FAM168A: variants seen among roughly 807,000 people sequenced by gnomAD.
The protein encoded by FAM168A is family with sequence similarity 168 member A, also known as protein FAM168A.
A neutral mutation model predicts 28.5 loss-of-function variants in FAM168A; 3 were observed. That is an observed-to-expected ratio of 0.11 (90% CI 0.05 to 0.27). FAM168A has a LOEUF of 0.27. FAM168A is among the 10% of genes least tolerant of loss of function. FAM168A has a pLI of 1.00. For missense variants in FAM168A, 222 were observed against 311.5 expected (o/e 0.71, Z 2.16); for synonymous variants, 122 against 124.2 (o/e 0.98, Z 0.12).
chr11:73,476,199 C>T (rs1867885685), intron 1 of FAM168A, among the ~76,000 whole-genome samples: 1 of 152,176 alleles, frequency 6.6e-6, no homozygotes, highest in South Asian at 2.1e-4. Flanking sequence ...AAACCACATA[C>T]AGATCCACTG....
intron 1 of FAM168A, among the ~76,000 whole-genome samples, chr11:73,555,341 G>C (rs1943877284): frequency 6.6e-6 from 1 of 152,100 alleles, no homozygotes; most frequent in Admixed American, 6.6e-5. Flanking sequence ...ATAAAGATAA[G>C]TGATGGGTGG....
At chr11:73,439,545 C>T (rs1867154683) in intron 2 of FAM168A, among the ~76,000 whole-genome samples, 1 of 152,114 alleles carries the variant, frequency 6.6e-6, no homozygotes, top group Non-Finnish European at 1.5e-5. Flanking sequence ...TATAACTGCT[C>T]CTACGTAAAT....
chr11:73,500,976 A>C (rs1854999463), intron 1 of FAM168A, among the ~76,000 whole-genome samples: 1 of 152,104 alleles, frequency 6.6e-6, no homozygotes, highest in Admixed American at 6.5e-5. Flanking sequence ...CAGCCTCAAA[A>C]TAAAGGGATG....
intron 1 of FAM168A, among the ~76,000 whole-genome samples, chr11:73,485,653 C>T (rs535422381): frequency 1.1e-4 from 16 of 152,182 alleles, no homozygotes; most frequent in African/African-American, 3.6e-4. Flanking sequence ...TGTTTTTCGT[C>T]CTATTTTATT....
intron 1 of FAM168A, among the ~76,000 whole-genome samples, chr11:73,582,197 A>T (rs1944256269): frequency 1.3e-5 from 2 of 152,156 alleles, no homozygotes; most frequent in African/African-American, 4.8e-5. Flanking sequence ...GACTCTAATC[A>T]GCAAAATATT....
At chr11:73,464,328 TG>T (rs1271583291) in intron 2 of FAM168A, among the ~76,000 whole-genome samples, 1 of 106,502 alleles carries the variant, frequency 9.4e-6, no homozygotes, top group African/African-American at 3.5e-5. Flanking sequence ...AATCTGGGGG[TG>T]GGGGGGAAAA....
chr11:73,407,975 G>A (rs181771207), intron 6 of FAM168A, among the ~76,000 whole-genome samples: 1 of 152,288 alleles, frequency 6.6e-6, no homozygotes, highest in Non-Finnish European at 1.5e-5. Context: ...GAGTTCAAGC[G>A]ATTCTCCCGC....
intron 1 of FAM168A, among the ~76,000 whole-genome samples, chr11:73,479,344 C>T (rs1051194644): frequency 6.6e-6 from 1 of 151,998 alleles, no homozygotes; most frequent in Non-Finnish European, 1.5e-5. Context: ...GTAGCTGAAC[C>T]TAATCCTATT....
chr11:73,444,020 G>C (rs928548823), intron 2 of FAM168A, among the ~76,000 whole-genome samples: 1 of 152,200 alleles, frequency 6.6e-6, no homozygotes, highest in Non-Finnish European at 1.5e-5. Flanking sequence ...TCCTAAAGGA[G>C]CCATCATAGT....
At chr11:73,565,270 T>C (rs946403333) in intron 1 of FAM168A, among the ~76,000 whole-genome samples, 5 of 152,200 alleles carry the variant, frequency 3.3e-5, no homozygotes, top group African/African-American at 9.6e-5. Context: ...CCTCACCTAC[T>C]ACCAGGCTGC....
In FAM168A at chr11:73,411,425, C is replaced by T. The variant is rs769219706; in HGVS notation, c.389G>A (p.Ser130Asn). Residue 130 changes from serine to asparagine, a missense_variant, in exon 5 of 8, where the codon AGT becomes AAT. Ser to Asn is a conservative substitution (Grantham distance 46). Transcript: ENST00000356467. ...ATACAGATTCTGCTGGGGGTAGGCA[C>T]TTCTGATTGGATACATGGCCGTCTG... ...PYQTAMYPIR[S>N]AYPQQNLYAQ... The T allele has an allele frequency of 6.2e-7, 1 of 1,611,756 alleles. No homozygotes were observed.
At chr11:73,475,866 T>C (rs898341349) in intron 1 of FAM168A, among the ~76,000 whole-genome samples, 3 of 152,098 alleles carry the variant, frequency 2.0e-5, no homozygotes, top group African/African-American at 7.2e-5. Context: ...GAAAATCCAA[T>C]GCCCAGAGTC....
At position 73,570,578 on chromosome 11, in the gene FAM168A, CA is replaced by C. The variant is rs567790922; in HGVS notation, c.-19+27344del. Among the ~76,000 whole-genome samples, 32 of 151,894 alleles carry C rather than the reference CA, an allele frequency of 2.1e-4. 1 individual carries two copies. In the South Asian group the frequency reaches 6.4e-3, roughly 31 times the overall value. ...GCAACATGGTGAAACCCCACCTCTA[CA>C]AAAAATTAGCTGGGCATGATGGCAT... On this transcript the variant is annotated intron_variant, in intron 1 of 7. Coordinates refer to ENST00000356467, the MANE Select transcript of FAM168A (RefSeq NM_015159.3).
chr11:73,517,825 T>G (rs1186222643), intron 1 of FAM168A, among the ~76,000 whole-genome samples: 1 of 152,210 alleles, frequency 6.6e-6, no homozygotes, highest in African/African-American at 2.4e-5. Flanking sequence ...CATTTGCCAT[T>G]CATACAAGGG....
At chr11:73,515,105 C>T (rs772742108) in intron 1 of FAM168A, among the ~76,000 whole-genome samples, 1 of 152,158 alleles carries the variant, frequency 6.6e-6, no homozygotes, top group East Asian at 1.9e-4. Flanking sequence ...ATTTGTTCTG[C>T]CCCAAAATAG....
rs547679793 is a variant in FAM168A, at chr11:73,498,165, C to T, written c.-18-29673G>A. ...AGCAGTGGCGTTTGGAGGCTCCCAT[C>T]GAAAAAAAACATAATAAGTATGTGA... On this transcript the variant is annotated intron_variant, in intron 1 of 7. Transcript: ENST00000356467. Among the ~76,000 whole-genome samples, 11 of 151,968 alleles carry T rather than the reference C, an allele frequency of 7.2e-5. No homozygotes were observed. In the East Asian group the frequency reaches 1.5e-3, roughly 21 times the overall value.
intron 1 of FAM168A, among the ~76,000 whole-genome samples, chr11:73,506,217 C>T (rs926640781): frequency 1.3e-5 from 2 of 152,054 alleles, no homozygotes. Flanking sequence ...TCTAACCAGG[C>T]CTTTGAGGGG....
chr11:73,433,365 T>C (rs1022593605), intron 2 of FAM168A, among the ~76,000 whole-genome samples: 58 of 134,218 alleles, frequency 4.3e-4, no homozygotes, highest in Non-Finnish European at 8.6e-4. Context: ...AAGCCTTTGA[T>C]GCAAAAAAAA....
chr11:73,515,519 A>AAAG (rs1943290252), intron 1 of FAM168A, among the ~76,000 whole-genome samples: 1 of 151,546 alleles, frequency 6.6e-6, no homozygotes, highest in African/African-American at 2.4e-5. Context: ...AAAAAAAAAA[A>AAAG]AAAAAAGAAA....
Sources: gnomAD v4.1 joint callset for allele counts (sites outside exome capture counted in the v4.1 genomes callset) on GRCh38, gnomAD v4.1.1 for gene constraint, MANE v1.5 for transcripts, NCBI Gene and HGNC (gene_info 2026-07-23, HGNC 2026-07-21) for gene names.